MUC7: variants seen among roughly 807,000 people sequenced by gnomAD.
The protein encoded by MUC7 is mucin-7.
In MUC7, 2 loss-of-function variants were observed where a neutral mutation model predicts 2.5. The ratio of observed to expected loss-of-function variants is 0.81; its 90% CI spans 0.33 to 2.55. The LOEUF is 2.55. Among genes scored for constraint, MUC7 ranks in the 30% most tolerant of loss-of-function variants. MUC7 has a pLI of 0.11. For synonymous variants in MUC7, 133 were observed against 173.4 expected, an observed-to-expected ratio of 0.77 and a Z score of 1.83; for missense variants, 408 against 455.6, an observed-to-expected ratio of 0.90 and a Z score of 0.95.
At chr4:70,468,781 T>A (rs892392322), upstream of MUC7, among the ~76,000 whole-genome samples, 2 of 152,104 alleles carry the variant, frequency 1.3e-5, no homozygotes, top group African/African-American at 4.8e-5. Context: ...GGAAAAACAT[T>A]CCATGCTCAT....
intron 2 of MUC7, 73 bp downstream of exon 2, chr4:70,474,148 T>C: frequency 7.7e-7 from 1 of 1,305,832 alleles, no homozygotes; most frequent in South Asian, 1.2e-5. Context: ...CCTGAGACTT[T>C]TAAAGCATAA....
chr4:70,477,318 G>A (rs1287299019), intron 2 of MUC7, among the ~76,000 whole-genome samples: 3 of 152,116 alleles, frequency 2.0e-5, no homozygotes, highest in Admixed American at 6.6e-5. Context: ...GCTGAGGCAG[G>A]AGAATCCCTT....
At chr4:70,470,354 T>C (rs1348992003), upstream of MUC7, among the ~76,000 whole-genome samples, 1 of 152,176 alleles carries the variant, frequency 6.6e-6, no homozygotes, top group Non-Finnish European at 1.5e-5. Context: ...CATGTATACC[T>C]ATGTAACAAA....
At position 70,481,829 on chromosome 4, in the gene MUC7, A is replaced by G. The variant is rs748731195; in HGVS notation, c.1085A>G (p.Tyr362Cys). 3.2e-5 allele frequency: 51 copies of G among 1,614,106 alleles called. No individual in the cohort carries two copies. Among genetic ancestry groups the G allele is most frequent in the Non-Finnish European group, 4.0e-5 (47 of 1,179,958 alleles). The change falls in exon 3 of 3, where the codon TAT becomes TGT. Residue 362 changes from tyrosine (Y) to cysteine (C), a missense_variant. Tyr to Cys is a radical substitution (Grantham distance 194). Around this residue, in one of 3 missense-constraint regions of MUC7, gnomAD observed 175 missense variants for 187.1 expected, o/e 0.94. Coordinates refer to ENST00000304887, the MANE Select transcript of MUC7 (RefSeq NM_152291.3). ...GQNKISRFLL[Y>C]MKNLLNRIID... ...AATAAAATTTCTCGATTTCTTTTATATATGAAGAATCTACTAAACAGAATT... is the reference window on the plus strand; with the variant it reads ...AATAAAATTTCTCGATTTCTTTTATGTATGAAGAATCTACTAAACAGAATT...
chr4:70,475,839 A>G (rs1026364362), intron 2 of MUC7, among the ~76,000 whole-genome samples: 24 of 152,186 alleles, frequency 1.6e-4, no homozygotes, highest in African/African-American at 5.8e-4. Context: ...GAGAGGGCAG[A>G]AGAACTGATG....
chr4:70,481,041 T>A lies in MUC7; in HGVS notation c.297T>A (p.Ser99Arg). The change falls in exon 3 of 3, where the codon AGT becomes AGA. Residue 99 changes from serine to arginine, a missense_variant. Physicochemically the swap from Ser to Arg is moderately radical, Grantham distance 110 (BLOSUM62 -1). Around this residue, in one of 3 missense-constraint regions of MUC7, gnomAD observed 225 missense variants for 240.5 expected, o/e 0.94. Transcript: ENST00000304887. Reference protein sequence around the residue: ...QPPKHPDKNSSVVNPTLVATT... With the variant: ...QPPKHPDKNSRVVNPTLVATT... The stretch of plus-strand genomic sequence containing the variant: ...CTAAACATCCAGATAAAAATAGCAG[T>A]GTGGTCAACCCTACCTTAGTGGCTA... The A allele has an allele frequency of 6.2e-7, 1 of 1,614,114 alleles. No homozygotes were observed. The highest frequency in any genetic ancestry group is 8.5e-7 in the Non-Finnish European group (1 of 1,180,012).
intron 1 of MUC7, among the ~76,000 whole-genome samples, chr4:70,452,753 T>C (rs1734310366): frequency 6.6e-6 from 1 of 152,224 alleles, no homozygotes. Flanking sequence ...CAATACTCTA[T>C]GTTCTCCTGT....
intron 1 of MUC7, among the ~76,000 whole-genome samples, chr4:70,441,852 G>A (rs1351195021): frequency 1.3e-5 from 2 of 152,196 alleles, no homozygotes; most frequent in African/African-American, 2.4e-5. Flanking sequence ...GTTTATTTTA[G>A]TGGTTAATGG....
chr4:70,471,597 T>A (rs41362345), upstream of MUC7, among the ~76,000 whole-genome samples: 1 of 152,204 alleles, frequency 6.6e-6, no homozygotes, highest in South Asian at 2.1e-4. Flanking sequence ...TTAAGAATTA[T>A]GAAAACCAGG....
intron 1 of MUC7, among the ~76,000 whole-genome samples, chr4:70,435,508 G>T (rs1339839195): frequency 6.6e-6 from 1 of 152,180 alleles, no homozygotes; most frequent in South Asian, 2.1e-4. Context: ...TGTTTTATCA[G>T]AGACTAGGAT....
upstream of MUC7, among the ~76,000 whole-genome samples, chr4:70,468,548 C>T (rs375409587): frequency 5.0e-4 from 76 of 152,286 alleles, 2 homozygotes; most frequent in South Asian, 0.016. Context: ...AGCTAATAAG[C>T]AACTTCAGCA....
At chr4:70,476,429 A>G (rs927092414) in intron 2 of MUC7, among the ~76,000 whole-genome samples, 2 of 152,220 alleles carry the variant, frequency 1.3e-5, no homozygotes, top group African/African-American at 4.8e-5. Flanking sequence ...CCTTTCTTCC[A>G]AGTGCTTAGA....
intron 1 of MUC7, among the ~76,000 whole-genome samples, chr4:70,450,397 C>G (rs1212791130): frequency 1.3e-5 from 2 of 152,194 alleles, no homozygotes; most frequent in Non-Finnish European, 2.9e-5. Flanking sequence ...GAGTCAAGTC[C>G]TGGAATTGGG....
Position 70,482,238 on chromosome 4 carries a change from A to G in MUC7, c.*360A>G, listed in dbSNP as rs1735222204. 4.6e-6 allele frequency: 1 copy of G among 218,320 alleles called. No homozygotes were observed. The allele number at this position is 218,320 out of a possible 1,614,324, so 13.5% of individuals were successfully genotyped here. A position where few individuals can be genotyped will look rare whatever the true frequency, so the allele number is the denominator to read the frequency against. ...AAAACCACTACCTTGTACCCCCATC[A>G]AAATCCCACCTGAACCATCTAATCC... On this transcript the variant is annotated 3_prime_UTR_variant, in exon 3 of 3. Transcript: ENST00000304887.
intron 1 of MUC7, among the ~76,000 whole-genome samples, chr4:70,452,572 C>G (rs948489536): frequency 2.0e-5 from 3 of 151,854 alleles, no homozygotes; most frequent in African/African-American, 7.3e-5. Context: ...AAAAAAAAGC[C>G]CTCTATGCTT....
intron 1 of MUC7, among the ~76,000 whole-genome samples, chr4:70,465,810 T>C (rs904374112): frequency 6.6e-6 from 1 of 152,168 alleles, no homozygotes; most frequent in Non-Finnish European, 1.5e-5. Flanking sequence ...TGGAACCAAG[T>C]TGAAAAATAC....
chr4:70,457,947 A>C (rs1470560880), intron 1 of MUC7, among the ~76,000 whole-genome samples: 1 of 152,154 alleles, frequency 6.6e-6, no homozygotes, highest in Non-Finnish European at 1.5e-5. Flanking sequence ...AAACTCTTTC[A>C]AAAATTAAAA....
At chr4:70,477,370 A>G (rs1431976955) in intron 2 of MUC7, among the ~76,000 whole-genome samples, 1 of 152,138 alleles carries the variant, frequency 6.6e-6, no homozygotes, top group Non-Finnish European at 1.5e-5. Context: ...AGATCATGCC[A>G]CTGCACTCCA....
chr4:70,453,633 G>T (rs1438439812), intron 1 of MUC7, among the ~76,000 whole-genome samples: 2 of 151,248 alleles, frequency 1.3e-5, no homozygotes, highest in Non-Finnish European at 3.0e-5. Flanking sequence ...GACCAAGCTG[G>T]TATGTAAGGT....
Sources: allele counts gnomAD v4.1 joint callset (sites outside exome capture counted in the v4.1 genomes callset), GRCh38; gene constraint gnomAD v4.1.1; regional missense constraint gnomAD v4.1.1; transcripts MANE v1.5; gene names NCBI Gene and HGNC (gene_info 2026-07-23, HGNC 2026-07-21).